Variants in NEDD9 observed in about 807,000 individuals in gnomAD.
The protein encoded by NEDD9 is neural precursor cell expressed, developmentally down-regulated 9.
A neutral mutation model predicts 76.6 loss-of-function variants in NEDD9; 26 were observed. The ratio of observed to expected loss-of-function variants is 0.34; its 90% CI spans 0.25 to 0.47. The LOEUF (loss-of-function observed/expected upper bound fraction) is 0.47, where lower values mean the gene tolerates loss of function less well. Ranked by LOEUF, NEDD9 falls within the 20% of genes least tolerant of loss-of-function variation. The pLI is 1.00. For synonymous variants in NEDD9, 392 were observed against 414.2 expected, an observed-to-expected ratio of 0.95 and a Z score of 0.65; for missense variants, 937 against 1,058.5, an observed-to-expected ratio of 0.89 and a Z score of 1.59.
At chr6:11,321,699 G>A (rs1761807913) in intron 2 of NEDD9, among the ~76,000 whole-genome samples, 1 of 152,190 alleles carries the variant, frequency 6.6e-6, no homozygotes, top group East Asian at 1.9e-4. Flanking sequence ...CATCAAACCA[G>A]GATGTGTTGT....
chr6:11,207,717 G>A (rs1758652960), intron 2 of NEDD9, among the ~76,000 whole-genome samples: 2 of 152,154 alleles, frequency 1.3e-5, no homozygotes, highest in Non-Finnish European at 2.9e-5. Flanking sequence ...AACACATTCT[G>A]GGACCATAGG....
chr6:11,356,415 T>C (rs1762576504), intron 1 of NEDD9, among the ~76,000 whole-genome samples: 1 of 152,226 alleles, frequency 6.6e-6, no homozygotes, highest in Non-Finnish European at 1.5e-5. Context: ...TTCACAAATG[T>C]CGGTATGCTA....
chr6:11,262,378 C>T (rs946527191), intron 3 of NEDD9, among the ~76,000 whole-genome samples: 3 of 152,212 alleles, frequency 2.0e-5, no homozygotes, highest in African/African-American at 7.2e-5. Context: ...AACATTTGCT[C>T]TCCTTACCAC....
At chr6:11,325,675 TTTTA>T in intron 2 of NEDD9, among the ~76,000 whole-genome samples, 1 of 152,304 alleles carries the variant, frequency 6.6e-6, no homozygotes, top group Non-Finnish European at 1.5e-5. Context: ...AAAAAGCGGC[TTTTA>T]TTTTAGTACC....
chr6:11,355,660 G>A (rs1180033488), intron 1 of NEDD9, among the ~76,000 whole-genome samples: 3 of 152,110 alleles, frequency 2.0e-5, no homozygotes, highest in Non-Finnish European at 4.4e-5. Context: ...GGCAGGAGGA[G>A]GAGGTGGTGA....
chr6:11,254,600 T>C (rs1339896986), intron 3 of NEDD9, among the ~76,000 whole-genome samples: 1 of 152,234 alleles, frequency 6.6e-6, no homozygotes, highest in Non-Finnish European at 1.5e-5. Context: ...AAACTGTACC[T>C]AAAACCCTGT....
At chr6:11,217,283 T>G (rs1336714219) in intron 1 of NEDD9, among the ~76,000 whole-genome samples, 1 of 152,204 alleles carries the variant, frequency 6.6e-6, no homozygotes, top group Non-Finnish European at 1.5e-5. Context: ...AGGGATCCTC[T>G]CCTTCAGTGC....
chr6:11,304,984 A>T (rs1368062944), intron 3 of NEDD9: 2 of 902,536 alleles, frequency 2.2e-6, no homozygotes, highest in East Asian at 6.2e-5. Flanking sequence ...TATGACAATC[A>T]AACTTGTTTT....
At chr6:11,240,124 G>A (rs976451628) in intron 3 of NEDD9, among the ~76,000 whole-genome samples, 12 of 151,442 alleles carry the variant, frequency 7.9e-5, no homozygotes, top group African/African-American at 2.9e-4. Flanking sequence ...TCCTTGACTC[G>A]TGATCCCTGA....
At chr6:11,380,135 T>C (rs758726361) in intron 1 of NEDD9, among the ~76,000 whole-genome samples, 1 of 152,142 alleles carries the variant, frequency 6.6e-6, no homozygotes, top group Non-Finnish European at 1.5e-5. Flanking sequence ...AATGGATATG[T>C]GGGAAATCAA....
chr6:11,240,042 C>A (rs868535633), intron 3 of NEDD9, among the ~76,000 whole-genome samples: 6,803 of 89,644 alleles, frequency 0.076, 162 homozygotes, highest in Middle Eastern at 0.14. Flanking sequence ...GACTTCATCT[C>A]AAAAAAAAAA....
intron 3 of NEDD9, among the ~76,000 whole-genome samples, chr6:11,262,691 GA>G (rs1760136838): frequency 6.6e-6 from 1 of 152,166 alleles, no homozygotes; most frequent in Admixed American, 6.6e-5. Context: ...AGCCAAAATA[GA>G]AAAGTCTGAG....
chr6:11,243,576 T>A (rs939363276), intron 3 of NEDD9, among the ~76,000 whole-genome samples: 1 of 152,176 alleles, frequency 6.6e-6, no homozygotes, highest in Admixed American at 6.5e-5. Context: ...CTCTATGATC[T>A]CCCCTCAACT....
At chr6:11,296,032 G>A (rs1456074222) in intron 3 of NEDD9, among the ~76,000 whole-genome samples, 1 of 152,126 alleles carries the variant, frequency 6.6e-6, no homozygotes, top group Non-Finnish European at 1.5e-5. Flanking sequence ...TCACATGGGT[G>A]GGCCCTAATC....
chr6:11,264,971 T>C (rs566601516), intron 3 of NEDD9, among the ~76,000 whole-genome samples: 186 of 152,330 alleles, frequency 1.2e-3, no homozygotes, highest in African/African-American at 4.3e-3. Context: ...AGTGCTGGGG[T>C]TACAGGCGTA....
chr6:11,338,355 G>A (rs966140743), intron 1 of NEDD9, among the ~76,000 whole-genome samples: 1 of 152,130 alleles, frequency 6.6e-6, no homozygotes, highest in African/African-American at 2.4e-5. Flanking sequence ...CCCTCGAAAG[G>A]AGCCAATCCT....
intron 1 of NEDD9, among the ~76,000 whole-genome samples, chr6:11,215,998 G>T (rs1758943424): frequency 6.6e-6 from 1 of 152,164 alleles, no homozygotes; most frequent in Non-Finnish European, 1.5e-5. Context: ...CGTCCTGGGC[G>T]TTCTTTGTCT....
At chr6:11,340,533 A>G (rs1242760896) in intron 1 of NEDD9, among the ~76,000 whole-genome samples, 1 of 152,146 alleles carries the variant, frequency 6.6e-6, no homozygotes, top group Non-Finnish European at 1.5e-5. Context: ...TATTATTTCC[A>G]TTGTATAGAA....
chr6:11,289,663 G>T (rs1472248606), intron 3 of NEDD9, among the ~76,000 whole-genome samples: 2 of 152,140 alleles, frequency 1.3e-5, no homozygotes, highest in Non-Finnish European at 2.9e-5. Flanking sequence ...ATGTTACACA[G>T]GATGGTCTTG....
Sources: allele counts gnomAD v4.1 joint callset (sites outside exome capture counted in the v4.1 genomes callset), GRCh38; gene constraint gnomAD v4.1.1; transcripts MANE v1.5; gene names NCBI Gene and HGNC (gene_info 2026-07-23, HGNC 2026-07-21).